Variants in CREB5 observed in about 807,000 individuals in gnomAD.
CREB5 encodes cAMP responsive element binding protein 5, also known as cyclic AMP-responsive element-binding protein 5.
CREB5 carries 19 observed loss-of-function variants against 57.1 expected under a neutral mutation model. That is an observed-to-expected ratio of 0.33 (90% CI 0.23 to 0.49). CREB5 has a LOEUF of 0.49. CREB5 is among the 20% of genes least tolerant of loss of function. The probability of loss-of-function intolerance (pLI) is 0.99; values close to 1 mark genes in which losing one functional copy is unlikely to be tolerated. For synonymous variants in CREB5, 238 were observed against 238.3 expected (o/e 1.00, Z 0.01); for missense variants, 579 against 671.6 (o/e 0.86, Z 1.52).
At chr7:28,418,821 A>G (rs1235191197) in intron 1 of CREB5, among the ~76,000 whole-genome samples, 2 of 152,196 alleles carry the variant, frequency 1.3e-5, no homozygotes, top group Non-Finnish European at 2.9e-5. Flanking sequence ...CACATTTATT[A>G]GTGCCATGTA....
chr7:28,713,180 G>GA lies in CREB5; in HGVS notation c.465-5573_465-5572insA, dbSNP rs1802493307. ...CAATCCTCTCACCTGTGTCTCCCAA[G>GA]TAGCTGGGACTATGCCTGGCTACTT... On this transcript the variant is annotated intron_variant, in intron 5 of 10. Coordinates refer to ENST00000357727, the MANE Select transcript of CREB5 (RefSeq NM_182898.4). Among the ~76,000 whole-genome samples, 3 of 152,158 alleles carry GA rather than the reference G, an allele frequency of 2.0e-5. No individual in the cohort carries two copies. The South Asian group carries it at 6.2e-4, about 32-fold the overall frequency.
At chr7:28,683,852 G>A (rs780733467) in intron 5 of CREB5, among the ~76,000 whole-genome samples, 13 of 152,126 alleles carry the variant, frequency 8.5e-5, no homozygotes, top group Non-Finnish European at 1.5e-4. Flanking sequence ...GCCCTCTAAT[G>A]TGGTATAAGG....
At chr7:28,398,898 T>C (rs935512754) in intron 1 of CREB5, among the ~76,000 whole-genome samples, 1 of 152,078 alleles carries the variant, frequency 6.6e-6, no homozygotes, top group Admixed American at 6.6e-5. Context: ...AATTTTGTTG[T>C]AGAGACAGGG....
chr7:28,369,092 CT>C (rs1166733105), intron 1 of CREB5, among the ~76,000 whole-genome samples: 1 of 152,142 alleles, frequency 6.6e-6, no homozygotes, highest in Non-Finnish European at 1.5e-5. Flanking sequence ...TTGATTATAT[CT>C]GTTGTTATGT....
At chr7:28,505,777 C>T (rs1234376017) in intron 3 of CREB5, among the ~76,000 whole-genome samples, 7 of 152,096 alleles carry the variant, frequency 4.6e-5, no homozygotes, top group African/African-American at 7.2e-5. Flanking sequence ...TAGAATCATG[C>T]GAGATCTAGA....
chr7:28,802,078 G>GAAAAAA (rs35658848), intron 7 of CREB5, among the ~76,000 whole-genome samples: 4,103 of 26,622 alleles, frequency 0.15, 1,139 homozygotes, highest in Non-Finnish European at 0.22. Flanking sequence ...GACTCCATCT[G>GAAAAAA]AAAAAAAAAA....
At chr7:28,435,654 T>G in intron 1 of CREB5, 1 of 985,340 alleles carries the variant, frequency 1.0e-6, no homozygotes, top group Non-Finnish European at 1.2e-6. Context: ...AACGATCTCA[T>G]TTACCTGAAT....
intron 4 of CREB5, among the ~76,000 whole-genome samples, chr7:28,565,723 C>G (rs756707388): frequency 2.0e-5 from 3 of 152,110 alleles, no homozygotes; most frequent in Non-Finnish European, 2.9e-5. Flanking sequence ...GAGTTCAAGA[C>G]CAGCTTGGCC....
At chr7:28,538,009 T>A (rs910660186) in intron 4 of CREB5, among the ~76,000 whole-genome samples, 4 of 152,028 alleles carry the variant, frequency 2.6e-5, no homozygotes, top group African/African-American at 4.8e-5. Context: ...GCCTCCATGG[T>A]TTCTTAACTA....
At chr7:28,789,294 A>G (rs528713406) in intron 7 of CREB5, among the ~76,000 whole-genome samples, 1 of 152,292 alleles carries the variant, frequency 6.6e-6, no homozygotes, top group East Asian at 1.9e-4. Context: ...TTATTTTGTA[A>G]TCATTAAGTT....
intron 1 of CREB5, among the ~76,000 whole-genome samples, chr7:28,394,070 C>CAAAAAAAAAAAAA (rs56166148): frequency 1.9e-5 from 1 of 53,014 alleles, no homozygotes; most frequent in African/African-American, 1.1e-4. Flanking sequence ...GACTCTGTCT[C>CAAAAAAAAAAAAA]AAAAAAAAAA....
chr7:28,527,671 A>G (rs1793505208), intron 4 of CREB5, among the ~76,000 whole-genome samples: 2 of 152,174 alleles, frequency 1.3e-5, no homozygotes. Flanking sequence ...TTTTTAAAAA[A>G]TTAGCCAGGC....
At chr7:28,630,577 C>T (rs572474712) in intron 5 of CREB5, among the ~76,000 whole-genome samples, 7 of 152,158 alleles carry the variant, frequency 4.6e-5, no homozygotes, top group South Asian at 2.1e-4. Flanking sequence ...TGAAAAAGTT[C>T]GAAAAAATGT....
intron 1 of CREB5, among the ~76,000 whole-genome samples, chr7:28,427,603 C>A (rs1348801511): frequency 6.6e-6 from 1 of 151,944 alleles, no homozygotes; most frequent in Non-Finnish European, 1.5e-5. Context: ...GCCCTTCCTC[C>A]TCTCAACACA....
At chr7:28,764,533 G>A (rs139063958) in intron 7 of CREB5, among the ~76,000 whole-genome samples, 1 of 152,156 alleles carries the variant, frequency 6.6e-6, no homozygotes, top group Non-Finnish European at 1.5e-5. Flanking sequence ...GCAAATATTC[G>A]TGTTGGATGG....
In CREB5 at chr7:28,657,583, GCCAGGTGCC is replaced by G. The variant is rs1799380028; in HGVS notation, c.465-61169_465-61161del. Among the ~76,000 whole-genome samples the G allele has an allele frequency of 9.2e-5, 14 of 152,022 alleles. 1 individual carries two copies. In the South Asian group the frequency reaches 2.9e-3, roughly 32 times the overall value. On this transcript the variant is annotated intron_variant, in intron 5 of 10. Transcript: ENST00000357727. ...GTCTCTACTAACAATACAAAAATTA[GCCAGGTGCC>G]TGCAGACCTGGCTACTTGTGCAGCG...
Position 28,529,984 on chromosome 7 carries a change from G to A in CREB5, c.291+22247G>A, listed in dbSNP as rs1381428552. On this transcript the variant is annotated intron_variant, in intron 4 of 10. Transcript: ENST00000357727. ...TTATCTCTTATCATCACAGCTCCAT[G>A]AGGCAGGTTTTATCACTTATAATTT... Among the ~76,000 whole-genome samples the A allele has an allele frequency of 2.0e-5, 3 of 152,186 alleles. No homozygotes were observed. In the East Asian group the frequency reaches 5.8e-4, roughly 29 times the overall value.
chr7:28,517,938 A>G (rs1034085115), intron 4 of CREB5, among the ~76,000 whole-genome samples: 22 of 152,174 alleles, frequency 1.4e-4, no homozygotes, highest in African/African-American at 5.3e-4. Context: ...TGCTGCTGGC[A>G]GGATGAGACC....
intron 7 of CREB5, among the ~76,000 whole-genome samples, chr7:28,793,185 G>A (rs1807829137): frequency 6.6e-6 from 1 of 152,010 alleles, no homozygotes; most frequent in South Asian, 2.1e-4. Context: ...GAGGTCTCAG[G>A]CAGGGGTGAG....
Sources: gnomAD v4.1 joint callset for allele counts (sites outside exome capture counted in the v4.1 genomes callset) on GRCh38, gnomAD v4.1.1 for gene constraint, MANE v1.5 for transcripts, NCBI Gene and HGNC (gene_info 2026-07-23, HGNC 2026-07-21) for gene names.